MECOM: variants seen among roughly 807,000 people sequenced by gnomAD.
MECOM encodes histone-lysine N-methyltransferase MECOM.
Under a neutral mutation model 116.3 loss-of-function variants are expected in MECOM, and 13 were observed. The observed-to-expected ratio is 0.11, with a 90% CI of 0.07 to 0.18. The LOEUF is 0.18. Ranked by LOEUF, MECOM falls within the 10% of genes least tolerant of loss-of-function variation. The probability of loss-of-function intolerance (pLI) is 1.00; values close to 1 mark genes in which losing one functional copy is unlikely to be tolerated. For missense variants in MECOM, 1,299 were observed against 1,509.0 expected (o/e 0.86, Z 2.31); for synonymous variants, 528 against 535.2 (o/e 0.99, Z 0.19).
At chr3:169,187,301 A>G (rs1406148590) in intron 2 of MECOM, among the ~76,000 whole-genome samples, 1 of 152,206 alleles carries the variant, frequency 6.6e-6, no homozygotes, top group Non-Finnish European at 1.5e-5. Context: ...CTATTGAAAC[A>G]AATGACTGCT....
intron 2 of MECOM, among the ~76,000 whole-genome samples, chr3:169,249,334 C>T (rs13076041): frequency 0.096 from 14,555 of 152,148 alleles, 908 homozygotes; most frequent in Non-Finnish European, 0.14. Flanking sequence ...CCTAGTGCTG[C>T]TGATAAATAT....
intron 1 of MECOM, among the ~76,000 whole-genome samples, chr3:169,640,734 G>A (rs145280742): frequency 2.0e-5 from 3 of 152,150 alleles, no homozygotes; most frequent in African/African-American, 7.2e-5. Context: ...AATGTCCAAG[G>A]TCTCAGAGCT....
chr3:169,568,074 C>T (rs1763445721), intron 1 of MECOM, among the ~76,000 whole-genome samples: 1 of 152,064 alleles, frequency 6.6e-6, no homozygotes, highest in Admixed American at 6.6e-5. Flanking sequence ...GGAGGGTGAG[C>T]AGAAGCAGGA....
chr3:169,546,506 C>T (rs1012784411), intron 1 of MECOM, among the ~76,000 whole-genome samples: 10 of 152,206 alleles, frequency 6.6e-5, no homozygotes, highest in African/African-American at 2.4e-4. Flanking sequence ...GGTGAAGTGA[C>T]TGGTCCAATG....
chr3:169,303,337 AC>A (rs1717102580), intron 2 of MECOM, among the ~76,000 whole-genome samples: 1 of 150,818 alleles, frequency 6.6e-6, no homozygotes, highest in Non-Finnish European at 1.5e-5. Flanking sequence ...CCAACTTGAA[AC>A]AGATATATAT....
chr3:169,344,099 T>C (rs981444109), intron 2 of MECOM, among the ~76,000 whole-genome samples: 3 of 152,182 alleles, frequency 2.0e-5, no homozygotes, highest in Middle Eastern at 3.2e-3. Context: ...AATAAAAGAT[T>C]GATCTTTGTA....
chr3:169,299,050 T>C (rs1247062232), intron 2 of MECOM, among the ~76,000 whole-genome samples: 1 of 152,126 alleles, frequency 6.6e-6, no homozygotes, highest in African/African-American at 2.4e-5. Flanking sequence ...CATGAATATT[T>C]AAGGAGCAAA....
At chr3:169,662,550 C>G (rs896398811) in intron 1 of MECOM, among the ~76,000 whole-genome samples, 4 of 152,048 alleles carry the variant, frequency 2.6e-5, no homozygotes, top group Non-Finnish European at 5.9e-5. Context: ...TGTGCGGAGC[C>G]GGTAGCTCTG....
chr3:169,420,498 G>A (rs939092044), intron 1 of MECOM, among the ~76,000 whole-genome samples: 5 of 152,120 alleles, frequency 3.3e-5, no homozygotes, highest in African/African-American at 9.7e-5. Context: ...CAGAAGAAAT[G>A]TAGCAGTGGT....
At chr3:169,542,370 C>T (rs543639864) in intron 1 of MECOM, among the ~76,000 whole-genome samples, 1 of 151,982 alleles carries the variant, frequency 6.6e-6, no homozygotes, top group Admixed American at 6.6e-5. Context: ...ACGACTCCCC[C>T]CTCCGCCTAT....
intron 3 of MECOM, among the ~76,000 whole-genome samples, chr3:169,135,482 G>A (rs1736076035): frequency 6.6e-6 from 1 of 151,900 alleles, no homozygotes; most frequent in African/African-American, 2.4e-5. Context: ...TGAAAGACAA[G>A]AAGAATGGGG....
At chr3:169,558,173 A>C (rs1405199228) in intron 1 of MECOM, among the ~76,000 whole-genome samples, 1 of 152,232 alleles carries the variant, frequency 6.6e-6, no homozygotes, top group Non-Finnish European at 1.5e-5. Flanking sequence ...AGCAAATCAG[A>C]GAATGGTTTG....
At chr3:169,373,796 G>T (rs1290791) in intron 2 of MECOM, among the ~76,000 whole-genome samples, 5 of 151,866 alleles carry the variant, frequency 3.3e-5, no homozygotes, top group African/African-American at 1.2e-4. Flanking sequence ...TGAATTCCAG[G>T]TTCTAGATTT....
rs531434145 is a variant in MECOM, at chr3:169,195,257, C to A, written c.376-51425G>T. On this transcript the variant is annotated intron_variant, in intron 2 of 16. Coordinates refer to ENST00000651503, the MANE Select transcript of MECOM (RefSeq NM_004991.4). ...ACCCCAGGTGAAATGAGCCTGCTGT[C>A]CAGGTGGATCAATGCTTGGTCTAAC... Among the ~76,000 whole-genome samples the A allele has an allele frequency of 2.0e-5, 3 of 152,178 alleles. No homozygotes were observed. The South Asian group carries it at 6.2e-4, about 32-fold the overall frequency.
chr3:169,261,287 C>T (rs1484111503), intron 2 of MECOM, among the ~76,000 whole-genome samples: 1 of 152,086 alleles, frequency 6.6e-6, no homozygotes, highest in Non-Finnish European at 1.5e-5. Flanking sequence ...TTTTAAAATA[C>T]ATGGAGCACT....
intron 1 of MECOM, among the ~76,000 whole-genome samples, chr3:169,644,648 T>C (rs530252402): frequency 6.6e-6 from 1 of 152,290 alleles, no homozygotes; most frequent in South Asian, 2.1e-4. Context: ...ATCTCTCTTT[T>C]CAACAATTGA....
At chr3:169,352,364 G>C (rs1726470537) in intron 2 of MECOM, among the ~76,000 whole-genome samples, 1 of 151,804 alleles carries the variant, frequency 6.6e-6, no homozygotes, top group Non-Finnish European at 1.5e-5. Flanking sequence ...TGTGGGCTAG[G>C]TATCTACAAG....
chr3:169,357,483 A>G (rs936594184), intron 2 of MECOM, among the ~76,000 whole-genome samples: 7 of 151,864 alleles, frequency 4.6e-5, no homozygotes, highest in Admixed American at 1.3e-4. Flanking sequence ...AGGAAGAGAG[A>G]AAATAATATT....
At chr3:169,217,554 G>T (rs959369964) in intron 2 of MECOM, among the ~76,000 whole-genome samples, 6 of 152,112 alleles carry the variant, frequency 3.9e-5, no homozygotes, top group Non-Finnish European at 5.9e-5. Context: ...GGAGGCCAAG[G>T]CGGGCAGATC....
Sources: gnomAD v4.1 joint callset for allele counts (sites outside exome capture counted in the v4.1 genomes callset) on GRCh38, gnomAD v4.1.1 for gene constraint, MANE v1.5 for transcripts, NCBI Gene and HGNC (gene_info 2026-07-23, HGNC 2026-07-21) for gene names.